WNT9B: variants seen among roughly 807,000 people sequenced by gnomAD.
The protein encoded by WNT9B is Wnt family member 9B, also known as protein Wnt-9b.
A neutral mutation model predicts 30.2 loss-of-function variants in WNT9B; 12 were observed. The observed-to-expected ratio is 0.40, with a 90% CI of 0.26 to 0.64. The LOEUF is 0.64. Ranked by LOEUF, WNT9B falls within the 30% of genes least tolerant of loss-of-function variation. WNT9B has a pLI of 0.42. For synonymous variants in WNT9B, 218 were observed against 216.9 expected (o/e 1.01, Z -0.05); for missense variants, 442 against 485.2 (o/e 0.91, Z 0.84).
downstream of WNT9B, among the ~76,000 whole-genome samples, chr17:46,883,459 A>G (rs982484663): frequency 1.3e-5 from 2 of 150,968 alleles, no homozygotes; most frequent in Non-Finnish European, 2.9e-5. Flanking sequence ...TTATTTTTGT[A>G]TTTTTAGTAG....
intron 1 of WNT9B, among the ~76,000 whole-genome samples, chr17:46,853,574 G>A (rs1361023532): frequency 1.3e-5 from 2 of 152,022 alleles, no homozygotes; most frequent in Middle Eastern, 3.4e-3. Context: ...GTTTCACCAT[G>A]TTGGCCAGGC....
chr17:46,854,469 C>G (rs1276978777), intron 1 of WNT9B, among the ~76,000 whole-genome samples: 2 of 152,134 alleles, frequency 1.3e-5, no homozygotes, highest in East Asian at 3.9e-4. Context: ...GGAAGTGACC[C>G]CAGAAGGATC....
intron 2 of WNT9B, 165 bp from the exon 3 acceptor site, chr17:46,874,936 G>T (rs1194105062): frequency 1.9e-6 from 2 of 1,064,322 alleles, no homozygotes; most frequent in Non-Finnish European, 2.9e-6. Flanking sequence ...TTGACAGGGA[G>T]ACCCACCCGG....
chr17:46,858,523 C>A (rs1430827735), intron 1 of WNT9B, among the ~76,000 whole-genome samples: 1 of 151,472 alleles, frequency 6.6e-6, no homozygotes, highest in Non-Finnish European at 1.5e-5. Flanking sequence ...ATCTTTCGGT[C>A]CTCCAGGCTA....
chr17:46,838,119 A>G (rs2084655062), intron 1 of WNT9B, among the ~76,000 whole-genome samples: 1 of 152,044 alleles, frequency 6.6e-6, no homozygotes, highest in Non-Finnish European at 1.5e-5. Flanking sequence ...AAGTCATGGG[A>G]GGGGCAACAG....
intron 1 of WNT9B, among the ~76,000 whole-genome samples, chr17:46,870,370 C>A (rs1379160316): frequency 6.6e-6 from 1 of 152,188 alleles, no homozygotes; most frequent in East Asian, 1.9e-4. Flanking sequence ...TCTGGACCTG[C>A]CAAGGGTCAA....
At chr17:46,842,165 T>A (rs2084723463) in intron 1 of WNT9B, among the ~76,000 whole-genome samples, 1 of 152,212 alleles carries the variant, frequency 6.6e-6, no homozygotes, top group African/African-American at 2.4e-5. Context: ...TTGCTGGTAT[T>A]TAGGTCCTTG....
chr17:46,870,080 T>C (rs73987088), intron 1 of WNT9B, among the ~76,000 whole-genome samples: 2,224 of 152,306 alleles, frequency 0.015, 62 homozygotes, highest in African/African-American at 0.051. Context: ...CTATTATTCT[T>C]AAAATGGCAT....
chr17:46,857,348 G>A (rs2146557238), intron 1 of WNT9B, among the ~76,000 whole-genome samples: 1 of 151,854 alleles, frequency 6.6e-6, no homozygotes, highest in East Asian at 1.9e-4. Flanking sequence ...GGTGGTGCAT[G>A]CCTCTAATCC....
At chr17:46,852,022 C>T (rs1376289640) in intron 1 of WNT9B, among the ~76,000 whole-genome samples, 2 of 152,170 alleles carry the variant, frequency 1.3e-5, no homozygotes, top group African/African-American at 4.8e-5. Context: ...TGGCCCCGTC[C>T]GCCCCGGCCC....
At chr17:46,868,655 A>G (rs567675716) in intron 1 of WNT9B, among the ~76,000 whole-genome samples, 1 of 152,330 alleles carries the variant, frequency 6.6e-6, no homozygotes, top group African/African-American at 2.4e-5. Context: ...TTCTGGGTTC[A>G]TAAGACTAAG....
chr17:46,846,183 G>A (rs2084774449), intron 1 of WNT9B, among the ~76,000 whole-genome samples: 1 of 152,194 alleles, frequency 6.6e-6, no homozygotes, highest in Admixed American at 6.5e-5. Context: ...ACTCCTGCTA[G>A]TTTCAACCGT....
chr17:46,862,710 G>A (rs377455048), intron 1 of WNT9B, among the ~76,000 whole-genome samples: 17 of 152,278 alleles, frequency 1.1e-4, no homozygotes, highest in Middle Eastern at 6.8e-3. Context: ...AGCCTCCCGA[G>A]TAGCTAGGAC....
Position 46,872,748 on chromosome 17 carries a change from G to A in WNT9B, c.309G>A (p.Glu103=), listed in dbSNP as rs1262465395. The A allele has an allele frequency of 1.2e-6, 2 of 1,611,066 alleles. No homozygotes were observed. The highest frequency in any genetic ancestry group is 1.7e-5 in the Admixed American group (1 of 59,818). Residue 103 remains glutamate, a synonymous_variant, in exon 2 of 4, where the codon GAG becomes GAA. Coordinates refer to ENST00000290015, the MANE Select transcript of WNT9B (RefSeq NM_003396.3). The stretch of plus-strand genomic sequence containing the variant: ...ATGAGCGCTGGAACTGTAGCCTGGA[G>A]GGCAGGATGGGCCTGCTCAAGAGAG... ...FRHERWNCSL[E]GRMGLLKRGF...
exon 5 of WNT9B, chr17:46,885,810 C>T (rs2085482256): frequency 6.6e-6 from 1 of 152,346 alleles, no homozygotes; most frequent in African/African-American, 2.4e-5. Context: ...CACACGGCCT[C>T]CTTATTGCCC....
intron 1 of WNT9B, among the ~76,000 whole-genome samples, chr17:46,857,267 G>T (rs926724468): frequency 6.6e-6 from 1 of 151,956 alleles, no homozygotes; most frequent in East Asian, 1.9e-4. Flanking sequence ...TCTGGAGTTC[G>T]AGACCAGCCT....
At chr17:46,872,008 G>C (rs34062186) in intron 1 of WNT9B, among the ~76,000 whole-genome samples, 19,799 of 152,150 alleles carry the variant, frequency 0.13, 1,402 homozygotes, top group Non-Finnish European at 0.16. Context: ...GGGGACCTTG[G>C]CTGGGTGTCC....
chr17:46,864,110 G>A (rs73987067), intron 1 of WNT9B, among the ~76,000 whole-genome samples: 235 of 152,344 alleles, frequency 1.5e-3, no homozygotes, highest in African/African-American at 5.2e-3. Context: ...CCCAGCCTGA[G>A]CCTGCCTGTG....
Position 46,876,604 on chromosome 17 carries a change from T to C in WNT9B, c.960T>C (p.Tyr320=). The C allele has an allele frequency of 6.2e-7, 1 of 1,612,898 alleles. No homozygotes were observed. Among genetic ancestry groups the C allele is most frequent in the Non-Finnish European group, 8.5e-7 (1 of 1,179,496 alleles). The part of the protein sequence containing the change: ...SCSSLCCGRG[Y]DTQSRLVAFS... ...GCAGCCTGTGCTGCGGGCGGGGCTA[T>C]GACACCCAGAGCCGCCTGGTGGCCT... The change falls in exon 4 of 4, where the codon TAT becomes TAC. Residue 320 remains tyrosine, a synonymous_variant. Coordinates refer to ENST00000290015, the MANE Select transcript of WNT9B (RefSeq NM_003396.3).
Sources: allele counts gnomAD v4.1 joint callset (sites outside exome capture counted in the v4.1 genomes callset), GRCh38; gene constraint gnomAD v4.1.1; transcripts MANE v1.5; gene names NCBI Gene and HGNC (gene_info 2026-07-23, HGNC 2026-07-21).